Variants in PCDHGB2 observed in about 807,000 individuals in gnomAD.
PCDHGB2 encodes protocadherin gamma-B2.
PCDHGB2 carries 55 observed loss-of-function variants against 59.3 expected under a neutral mutation model. The observed-to-expected ratio is 0.93, with a 90% CI of 0.75 to 1.16. PCDHGB2 has a LOEUF of 1.16. PCDHGB2 is among the 50% of genes most tolerant of loss of function. PCDHGB2 has a pLI of 0.00. For synonymous variants in PCDHGB2, 516 were observed against 512.0 expected (o/e 1.01, Z -0.11); for missense variants, 1,228 against 1,198.5 (o/e 1.02, Z -0.36).
intron 1 of PCDHGB2, chr5:141,388,406 C>T (rs770065402): frequency 1.9e-6 from 3 of 1,613,842 alleles, no homozygotes; most frequent in Non-Finnish European, 2.5e-6. Context: ...AACTCAGTCC[C>T]AGTGATCATT....
At chr5:141,369,112 G>C (rs527912435) in intron 1 of PCDHGB2, among the ~76,000 whole-genome samples, 4 of 152,288 alleles carry the variant, frequency 2.6e-5, no homozygotes, top group Non-Finnish European at 5.9e-5. Flanking sequence ...AATTAAAACT[G>C]TAAGACACCT....
intron 1 of PCDHGB2, chr5:141,377,057 C>A (rs72790015): frequency 0.063 from 9,654 of 152,822 alleles, 351 homozygotes; most frequent in African/African-American, 0.097. Context: ...TTTTCTTAGC[C>A]CTTTGCAGAG....
chr5:141,403,775 G>A (rs760589412), intron 1 of PCDHGB2: 2 of 1,613,866 alleles, frequency 1.2e-6, no homozygotes, highest in Admixed American at 1.7e-5. Context: ...GGGAATCAAC[G>A]GAAAAGTGGC....
chr5:141,414,864 G>A (rs766848727), intron 1 of PCDHGB2: 2 of 1,614,174 alleles, frequency 1.2e-6, no homozygotes, highest in South Asian at 2.2e-5. Context: ...ACGACAATGC[G>A]CCCGAGATCC....
rs769717528 is a variant in PCDHGB2, at chr5:141,390,239, C to G, written c.2421+27683C>G. ...TACTTTGCGGTGATTCATCTGGGGCCTTATTTCCACTTTGTAATTCCAGTG... is the reference window on the plus strand; with the variant it reads ...TACTTTGCGGTGATTCATCTGGGGCGTTATTTCCACTTTGTAATTCCAGTG... On this transcript the variant is annotated intron_variant, in intron 1 of 3. Coordinates refer to ENST00000522605, the MANE Select transcript of PCDHGB2 (RefSeq NM_018923.3). 32 of 1,613,904 alleles carry G rather than the reference C, an allele frequency of 2.0e-5. No homozygotes were observed. In the Admixed American group the frequency reaches 5.3e-4, roughly 27 times the overall value.
chr5:141,364,731 G>A (rs932792949), intron 1 of PCDHGB2: 1 of 1,613,914 alleles, frequency 6.2e-7, no homozygotes, highest in Non-Finnish European at 8.5e-7. Context: ...CCGCGTTTCC[G>A]GGATGAAGAG....
intron 1 of PCDHGB2, chr5:141,475,839 CAG>C: frequency 2.3e-6 from 1 of 433,254 alleles, no homozygotes; most frequent in Non-Finnish European, 4.1e-6. Flanking sequence ...GTGTCCTGCT[CAG>C]AGAGCCCGGC....
In PCDHGB2 at chr5:141,427,784, G is replaced by A. The variant is rs750188824; in HGVS notation, c.2421+65228G>A. 6.8e-6 allele frequency: 10 copies of A among 1,470,180 alleles called. No homozygotes were observed. The Admixed American group carries it at 1.3e-4, about 20-fold the overall frequency. 91.1% of individuals were successfully genotyped at this position (1,470,180 alleles called of 1,614,324 possible). Reference sequence around the variant, plus strand: ...CTGACTTGGAGCTGCGGGCACTGTCGTCCTACGTGTCCGTGAGCGCACAGA... The same window carrying A: ...CTGACTTGGAGCTGCGGGCACTGTCATCCTACGTGTCCGTGAGCGCACAGA... On this transcript the variant is annotated intron_variant, in intron 1 of 3. Coordinates refer to ENST00000522605, the MANE Select transcript of PCDHGB2 (RefSeq NM_018923.3).
Position 141,491,963 on chromosome 5 carries a change from C to A in PCDHGB2, c.2422-2844C>A. ...CCCCCACCCCTACACTCAAAAAAGG[C>A]CGGGGCCTCCTTCGAGCTTCCGGTG... On this transcript the variant is annotated intron_variant, in intron 1 of 3. Coordinates refer to ENST00000522605, the MANE Select transcript of PCDHGB2 (RefSeq NM_018923.3). This position sits in a 1 kb window ranked among gnomAD's most constrained non-coding sequence, Gnocchi z 6.9. 2 of 944,828 alleles carry A rather than the reference C, an allele frequency of 2.1e-6. No homozygotes were observed. Among genetic ancestry groups the A allele is most frequent in the Non-Finnish European group, 3.0e-6 (2 of 670,874 alleles). 58.5% of individuals were successfully genotyped at this position (944,828 alleles called of 1,614,324 possible).
intron 3 of PCDHGB2, among the ~76,000 whole-genome samples, chr5:141,509,518 T>A (rs1441963133): frequency 6.6e-6 from 1 of 152,170 alleles, no homozygotes; most frequent in Non-Finnish European, 1.5e-5. Context: ...GTTGATGATG[T>A]ATTGCACAGG....
In PCDHGB2 at chr5:141,400,300, C is replaced by A. The variant is rs1267834290; in HGVS notation, c.2421+37744C>A. The stretch of plus-strand genomic sequence containing the variant: ...CCCTGCCGCCTGGAGCTGCTTCCAA[C>A]CTGGTCTCTGTGTCAAGTCTGGACC... On this transcript the variant is annotated intron_variant, in intron 1 of 3. Transcript: ENST00000522605. 6.8e-6 allele frequency: 11 copies of A among 1,613,966 alleles called. No individual in the cohort carries two copies. The African/African-American group carries it at 1.3e-4, about 20-fold the overall frequency.
rs769109998 is a variant in PCDHGB2, at chr5:141,360,064, C to A, written c.-72C>A. ...CAGAAAACAAAAGCAGGAAAAGTGA[C>A]CTTAGCCCGGATTCTGCCATCCCCG... is the stretch of plus-strand genomic sequence containing the variant. On this transcript the variant is annotated 5_prime_UTR_variant, in exon 1 of 4. Coordinates refer to ENST00000522605, the MANE Select transcript of PCDHGB2 (RefSeq NM_018923.3). 1.3e-5 allele frequency: 19 copies of A among 1,462,446 alleles called. No individual in the cohort carries two copies. Among genetic ancestry groups the A allele is most frequent in the Non-Finnish European group, 1.7e-5 (19 of 1,103,970 alleles). The allele number at this position is 1,462,446 out of a possible 1,614,324, so 90.6% of individuals were successfully genotyped here.
chr5:141,509,787 TCTC>T (rs2099878266), intron 3 of PCDHGB2, among the ~76,000 whole-genome samples: 1 of 152,132 alleles, frequency 6.6e-6, no homozygotes, highest in Non-Finnish European at 1.5e-5. Context: ...GAGATCATCA[TCTC>T]CTCAGCTTCA....
At chr5:141,419,331 T>G (rs2096361475) in intron 1 of PCDHGB2, 2 of 1,613,840 alleles carry the variant, frequency 1.2e-6, no homozygotes, top group Non-Finnish European at 8.5e-7. Flanking sequence ...TCCTACTCTC[T>G]CATTGCCAGC....
chr5:141,412,346 T>C (rs1489657145), intron 1 of PCDHGB2: 1 of 152,238 alleles, frequency 6.6e-6, no homozygotes, highest in African/African-American at 2.4e-5. Flanking sequence ...TATGTTCATT[T>C]TAGTTTGTGA....
chr5:141,403,649 T>A, intron 1 of PCDHGB2: 7 of 1,613,874 alleles, frequency 4.3e-6, no homozygotes, highest in Non-Finnish European at 5.9e-6. Flanking sequence ...TGTGACAGTG[T>A]TGGATACAAA....
At chr5:141,430,842 G>A (rs935750449) in intron 1 of PCDHGB2, 4 of 1,567,068 alleles carry the variant, frequency 2.6e-6, no homozygotes, top group Non-Finnish European at 3.4e-6. Flanking sequence ...GAGACCGGAT[G>A]CACCCAGATA....
Position 141,477,012 on chromosome 5 carries a change from T to C in PCDHGB2, c.2422-17795T>C. The C allele has an allele frequency of 6.2e-7, 1 of 1,614,186 alleles. No homozygotes were observed. Among genetic ancestry groups the C allele is most frequent in the Non-Finnish European group, 8.5e-7 (1 of 1,180,026 alleles). On this transcript the variant is annotated intron_variant, in intron 1 of 3. Coordinates refer to ENST00000522605, the MANE Select transcript of PCDHGB2 (RefSeq NM_018923.3). The surrounding 1 kb of genome is among the most constrained non-coding windows in gnomAD (Gnocchi z 4.9). The stretch of plus-strand genomic sequence containing the variant: ...GTGCGGCAACTATTCGCCTTAGACC[T>C]TGTAACCGGGATGCTGACAATCAAG...
intron 1 of PCDHGB2, among the ~76,000 whole-genome samples, chr5:141,469,317 C>T (rs1354878667): frequency 6.6e-6 from 1 of 152,092 alleles, no homozygotes; most frequent in Non-Finnish European, 1.5e-5. Flanking sequence ...TGGCTCACGC[C>T]TGTAATCCCA....
Sources: gnomAD v4.1 joint callset for allele counts (sites outside exome capture counted in the v4.1 genomes callset) on GRCh38, gnomAD v4.1.1 for gene constraint, Gnocchi (gnomAD v3.1) non-coding constraint, MANE v1.5 for transcripts, NCBI Gene and HGNC (gene_info 2026-07-23, HGNC 2026-07-21) for gene names.